The following HECW2 variants were observed in gnomAD, a reference collection of about 807,000 sequenced individuals.
HECW2 encodes HECT, C2 and WW domain containing E3 ubiquitin protein ligase 2.
HECW2 carries 61 observed loss-of-function variants against 175.2 expected under a neutral mutation model. The observed-to-expected ratio is 0.35, with a 90% CI of 0.28 to 0.43. The LOEUF is 0.43. HECW2 is among the 20% of genes least tolerant of loss of function. The pLI is 1.00. For synonymous variants in HECW2, 671 were observed against 731.0 expected (o/e 0.92, Z 1.32); for missense variants, 1,524 against 2,000.5 (o/e 0.76, Z 4.54).
At chr2:196,483,610 A>G (rs193079913) in intron 1 of HECW2, among the ~76,000 whole-genome samples, 195 of 152,336 alleles carry the variant, frequency 1.3e-3, no homozygotes, top group African/African-American at 4.4e-3. Context: ...CTAAAGTATA[A>G]GTCTTACCAA....
At chr2:196,593,081 C>G (rs1238873867) in intron 1 of HECW2, among the ~76,000 whole-genome samples, 2 of 151,330 alleles carry the variant, frequency 1.3e-5, no homozygotes, top group Non-Finnish European at 3.0e-5. Context: ...TCCCGCCGCC[C>G]TCCGCAGCGG....
rs369515496 is a variant in HECW2 at position 196,292,601 on chromosome 2, C to T, written c.2964G>A (p.Pro988=). 56 of 1,613,998 alleles carry T rather than the reference C, an allele frequency of 3.5e-5. No individual in the cohort carries two copies. Among genetic ancestry groups the T allele is most frequent in the African/African-American group, 2.1e-4 (16 of 75,056 alleles). Residue 988 remains proline, a synonymous_variant, in exon 14 of 29, where the codon CCG becomes CCA. Coordinates refer to ENST00000644978, the MANE Select transcript of HECW2 (RefSeq NM_001348768.2). ...NMFANKQLEL[P]RGWEMKHDHQ... ...GATCATGTTTCATTTCCCATCCCCG[C>T]GGCAGCTCTAGCTGTTTGTTCGCGA...
At position 196,268,419 on chromosome 2, in the gene HECW2, A is replaced by AG. The variant is rs397761495; in HGVS notation, c.3335+2773_3335+2774insC. ...GGACTCTAGATGCCACTAAAAAAAA[A>AG]TCTTCAACATCTTTAGGAGATTAGA... On this transcript the variant is annotated intron_variant, in intron 17 of 28. Coordinates refer to ENST00000644978, the MANE Select transcript of HECW2 (RefSeq NM_001348768.2). Among the ~76,000 whole-genome samples, 4 of 152,056 alleles carry AG rather than the reference A, an allele frequency of 2.6e-5. No individual in the cohort carries two copies. The East Asian group carries it at 5.8e-4, about 22-fold the overall frequency.
intron 1 of HECW2, among the ~76,000 whole-genome samples, chr2:196,541,600 G>C (rs1689216364): frequency 6.6e-6 from 1 of 152,112 alleles, no homozygotes; most frequent in Non-Finnish European, 1.5e-5. Flanking sequence ...AGCAGATGCA[G>C]ACTCAAAGAG....
chr2:196,356,468 T>C (rs994550769), intron 2 of HECW2, among the ~76,000 whole-genome samples: 2 of 152,196 alleles, frequency 1.3e-5, no homozygotes, highest in Non-Finnish European at 2.9e-5. Flanking sequence ...TGATGAAATT[T>C]TGCATTGTCC....
intron 21 of HECW2, among the ~76,000 whole-genome samples, chr2:196,231,793 T>C (rs1434981268): frequency 6.6e-6 from 1 of 152,048 alleles, no homozygotes; most frequent in Admixed American, 6.5e-5. Context: ...ATCGAGACCA[T>C]CCTGGCTAAC....
intron 1 of HECW2, among the ~76,000 whole-genome samples, chr2:196,543,891 C>A (rs562967528): frequency 6.6e-6 from 1 of 152,168 alleles, no homozygotes; most frequent in Non-Finnish European, 1.5e-5. Flanking sequence ...GGATTACAGG[C>A]GTGAGCCATT....
At chr2:196,306,733 T>A in intron 12 of HECW2, 121 bp from the exon 13 acceptor site, 1 of 995,120 alleles carries the variant, frequency 1.0e-6, no homozygotes, top group Non-Finnish European at 1.4e-6. Flanking sequence ...GTCATCATTT[T>A]AATCCCCCAA....
At chr2:196,379,785 A>C (rs1464590101) in intron 2 of HECW2, among the ~76,000 whole-genome samples, 1 of 151,516 alleles carries the variant, frequency 6.6e-6, no homozygotes, top group African/African-American at 2.4e-5. Flanking sequence ...TAATTAGCCT[A>C]TGGTGTTTGA....
chr2:196,538,726 T>G (rs1689103987), intron 1 of HECW2, among the ~76,000 whole-genome samples: 1 of 152,186 alleles, frequency 6.6e-6, no homozygotes, highest in Admixed American at 6.5e-5. Flanking sequence ...CAATTTTGCT[T>G]TTGCTCGTAT....
chr2:196,592,434 T>C (rs1691232292), intron 1 of HECW2: 1 of 152,192 alleles, frequency 6.6e-6, no homozygotes, highest in Non-Finnish European at 1.5e-5. Context: ...GCGCTGCTAA[T>C]AGTGAAGACA....
chr2:196,439,172 G>T (rs972588001), intron 1 of HECW2, among the ~76,000 whole-genome samples: 2 of 152,180 alleles, frequency 1.3e-5, no homozygotes, highest in Admixed American at 6.5e-5. Context: ...GTGGATGAAA[G>T]TGTTCAATAA....
At chr2:196,493,863 A>T (rs1687289808) in intron 1 of HECW2, among the ~76,000 whole-genome samples, 1 of 152,200 alleles carries the variant, frequency 6.6e-6, no homozygotes, top group Non-Finnish European at 1.5e-5. Context: ...GCATCTACTG[A>T]GTGACTATTC....
At chr2:196,382,261 T>C (rs1158282126) in intron 2 of HECW2, among the ~76,000 whole-genome samples, 1 of 151,874 alleles carries the variant, frequency 6.6e-6, no homozygotes, top group African/African-American at 2.4e-5. Flanking sequence ...GTGTGGAATA[T>C]ATATCCATCC....
At chr2:196,253,335 T>C (rs1346068703) in intron 19 of HECW2, among the ~76,000 whole-genome samples, 1 of 152,224 alleles carries the variant, frequency 6.6e-6, no homozygotes, top group Non-Finnish European at 1.5e-5. Flanking sequence ...CAAAGCTCAT[T>C]TGCCAAGCTG....
intron 2 of HECW2, among the ~76,000 whole-genome samples, chr2:196,404,886 G>C (rs1256815788): frequency 8.2e-6 from 1 of 122,164 alleles, no homozygotes; most frequent in Non-Finnish European, 1.6e-5. Context: ...GTGCAGTGGT[G>C]CAATCTCGGC....
chr2:196,539,834 A>G (rs1689151002), intron 1 of HECW2, among the ~76,000 whole-genome samples: 1 of 152,200 alleles, frequency 6.6e-6, no homozygotes, highest in African/African-American at 2.4e-5. Context: ...CTTTTAAAAA[A>G]TATAAAGTGA....
chr2:196,411,380 A>C (rs1386888132), intron 2 of HECW2, among the ~76,000 whole-genome samples: 1 of 152,186 alleles, frequency 6.6e-6, no homozygotes, highest in South Asian at 2.1e-4. Context: ...ATCACTTCTA[A>C]AGGTAACAAT....
chr2:196,436,810 T>C (rs942543487), intron 1 of HECW2, among the ~76,000 whole-genome samples: 1 of 151,854 alleles, frequency 6.6e-6, no homozygotes, highest in Non-Finnish European at 1.5e-5. Flanking sequence ...CTGTGGGAAC[T>C]TGAAATTTTG....
Sources: gnomAD v4.1 joint callset for allele counts (sites outside exome capture counted in the v4.1 genomes callset) on GRCh38, gnomAD v4.1.1 for gene constraint, MANE v1.5 for transcripts, NCBI Gene and HGNC (gene_info 2026-07-23, HGNC 2026-07-21) for gene names.